SLIT2: variants seen among roughly 807,000 people sequenced by gnomAD.
SLIT2 encodes slit guidance ligand 2.
A neutral mutation model predicts 185.7 loss-of-function variants in SLIT2; 41 were observed. That is an observed-to-expected ratio of 0.22 (90% CI 0.17 to 0.29). SLIT2 has a LOEUF of 0.29. Ranked by LOEUF, SLIT2 falls within the 10% of genes least tolerant of loss-of-function variation. The pLI, the probability that SLIT2 is intolerant of heterozygous loss-of-function variation, is 1.00. For synonymous variants in SLIT2, 693 were observed against 680.2 expected (o/e 1.02, Z -0.29); for missense variants, 1,571 against 1,909.0 (o/e 0.82, Z 3.30).
At chr4:20,496,900 C>G (rs1350203082) in intron 9 of SLIT2, among the ~76,000 whole-genome samples, 1 of 152,094 alleles carries the variant, frequency 6.6e-6, no homozygotes, top group Non-Finnish European at 1.5e-5. Flanking sequence ...TATTATCTCC[C>G]TGTAGACAAA....
intron 34 of SLIT2, among the ~76,000 whole-genome samples, chr4:20,611,423 A>G (rs868558068): frequency 6.6e-6 from 1 of 152,230 alleles, no homozygotes; most frequent in Admixed American, 6.5e-5. Context: ...AAATGGATAC[A>G]TAAAGGATAT....
intron 4 of SLIT2, among the ~76,000 whole-genome samples, chr4:20,279,385 C>T (rs1412252299): frequency 6.6e-6 from 1 of 152,154 alleles, no homozygotes; most frequent in East Asian, 1.9e-4. Flanking sequence ...CTGGAAATTC[C>T]CAGCATTATT....
At chr4:20,365,041 G>A (rs971799111) in intron 4 of SLIT2, among the ~76,000 whole-genome samples, 1 of 151,880 alleles carries the variant, frequency 6.6e-6, no homozygotes, top group Non-Finnish European at 1.5e-5. Context: ...TTCCAGCTTC[G>A]ACTCACTGCT....
chr4:20,268,396 C>T (rs933411983), intron 3 of SLIT2, among the ~76,000 whole-genome samples: 3 of 151,686 alleles, frequency 2.0e-5, no homozygotes, highest in Non-Finnish European at 4.4e-5. Flanking sequence ...TTTCCATCTC[C>T]CCACAATTCC....
rs1182658447 is a variant in SLIT2, at chr4:20,618,951, C to T, written c.4532C>T (p.Ser1511Phe). ...TCTTTCGAATGCACTGACGGCTCCT[C>T]CTTTGTGGACGAGGTTGAGAAAGTG... ...KYSFECTDGS[S>F]FVDEVEKVVK... The change falls in exon 37 of 37, where the codon TCC becomes TTC. Residue 1511 changes from serine to phenylalanine, a missense_variant. Coordinates refer to ENST00000504154, the MANE Select transcript of SLIT2 (RefSeq NM_004787.4). 1.2e-6 allele frequency: 2 copies of T among 1,614,062 alleles called. No individual in the cohort carries two copies. The highest frequency in any genetic ancestry group is 4.5e-5 in the East Asian group (2 of 44,840).
In SLIT2 at chr4:20,425,520, G is replaced by A. The variant is rs570980655; in HGVS notation, c.396-42232G>A. Reference sequence around the variant, plus strand: ...AAATAAGTTTATACACGTGTGTGGTGTATATCTACTGTAGAGAACAAGGAT... The same window carrying A: ...AAATAAGTTTATACACGTGTGTGGTATATATCTACTGTAGAGAACAAGGAT... On this transcript the variant is annotated intron_variant, in intron 4 of 36. Coordinates refer to ENST00000504154, the MANE Select transcript of SLIT2 (RefSeq NM_004787.4). Among the ~76,000 whole-genome samples the A allele has an allele frequency of 2.0e-5, 3 of 152,158 alleles. No individual in the cohort carries two copies. In the East Asian group the frequency reaches 5.8e-4, roughly 29 times the overall value.
chr4:20,355,165 G>A (rs1485650706), intron 4 of SLIT2, among the ~76,000 whole-genome samples: 1 of 152,172 alleles, frequency 6.6e-6, no homozygotes, highest in East Asian at 1.9e-4. Flanking sequence ...CAACAGGTGT[G>A]TAATTATCAA....
chr4:20,416,515 C>CCCT (rs1278906086), intron 4 of SLIT2, among the ~76,000 whole-genome samples: 1 of 152,020 alleles, frequency 6.6e-6, no homozygotes, highest in Non-Finnish European at 1.5e-5. Flanking sequence ...ATCCATAAAA[C>CCCT]CCTCTTTTGT....
intron 33 of SLIT2, 135 bp downstream of exon 33, chr4:20,598,530 A>G (rs1728158353): frequency 2.1e-6 from 2 of 931,030 alleles, no homozygotes. Context: ...GTATTAGTGA[A>G]AAACCTGGCA....
intron 35 of SLIT2, 26 bp downstream of exon 35, chr4:20,617,224 A>G: frequency 7.2e-7 from 1 of 1,393,442 alleles, no homozygotes; most frequent in East Asian, 3.4e-5. Context: ...TTGGGAGTTG[A>G]GCACACACCT....
At chr4:20,378,238 A>C (rs1184163634) in intron 4 of SLIT2, among the ~76,000 whole-genome samples, 1 of 152,204 alleles carries the variant, frequency 6.6e-6, no homozygotes, top group Non-Finnish European at 1.5e-5. Flanking sequence ...TTAGTAACAT[A>C]CATTTGCAAG....
chr4:20,401,477 A>G (rs1726356112), intron 4 of SLIT2, among the ~76,000 whole-genome samples: 1 of 151,780 alleles, frequency 6.6e-6, no homozygotes, highest in African/African-American at 2.4e-5. Flanking sequence ...TCTGTGAGAG[A>G]CAAAGCTTGT....
At chr4:20,341,377 G>C (rs1024975321) in intron 4 of SLIT2, among the ~76,000 whole-genome samples, 3 of 152,136 alleles carry the variant, frequency 2.0e-5, no homozygotes, top group African/African-American at 7.2e-5. Flanking sequence ...AACCACTAAG[G>C]GTGCTTAGGC....
At chr4:20,435,885 G>A (rs2109518777) in intron 4 of SLIT2, among the ~76,000 whole-genome samples, 1 of 152,278 alleles carries the variant, frequency 6.6e-6, no homozygotes, top group South Asian at 2.1e-4. Flanking sequence ...ACTTGCATTT[G>A]TGGGATGACT....
intron 29 of SLIT2, among the ~76,000 whole-genome samples, chr4:20,580,610 T>C (rs1445492354): frequency 1.3e-5 from 2 of 152,142 alleles, no homozygotes; most frequent in Non-Finnish European, 2.9e-5. Flanking sequence ...TTGTTGTTAT[T>C]ATTTGGTGGA....
intron 4 of SLIT2, among the ~76,000 whole-genome samples, chr4:20,302,562 CT>C (rs1316320470): frequency 6.6e-6 from 1 of 152,036 alleles, no homozygotes; most frequent in East Asian, 1.9e-4. Flanking sequence ...AGAGCATTCA[CT>C]TTGAGATAAA....
At chr4:20,408,976 T>C (rs1420919578) in intron 4 of SLIT2, among the ~76,000 whole-genome samples, 2 of 149,124 alleles carry the variant, frequency 1.3e-5, no homozygotes, top group East Asian at 2.1e-4. Context: ...CTTGTGCTCA[T>C]ATGCATTTGC....
chr4:20,611,436 A>G (rs746875611), intron 34 of SLIT2, among the ~76,000 whole-genome samples: 24 of 152,332 alleles, frequency 1.6e-4, no homozygotes, highest in Non-Finnish European at 2.9e-4. Flanking sequence ...AAGGATATAA[A>G]GTTGAAGAAG....
intron 1 of SLIT2, among the ~76,000 whole-genome samples, chr4:20,255,272 T>A (rs1041196430): frequency 1.3e-5 from 2 of 152,214 alleles, no homozygotes; most frequent in African/African-American, 4.8e-5. Context: ...AAGTCGCCCT[T>A]CTTATCCAAC....
Sources: allele counts gnomAD v4.1 joint callset (sites outside exome capture counted in the v4.1 genomes callset), GRCh38; gene constraint gnomAD v4.1.1; transcripts MANE v1.5; gene names NCBI Gene and HGNC (gene_info 2026-07-23, HGNC 2026-07-21).